CRMP1: variants seen among roughly 807,000 people sequenced by gnomAD.
The protein encoded by CRMP1 is dihydropyrimidinase-related protein 1.
In CRMP1, 19 loss-of-function variants were observed where a neutral mutation model predicts 68.3. The ratio of observed to expected loss-of-function variants is 0.28; its 90% CI spans 0.19 to 0.41. The LOEUF is 0.41. Ranked by LOEUF, CRMP1 falls within the 10% of genes least tolerant of loss-of-function variation. CRMP1 has a pLI of 1.00. For synonymous variants in CRMP1, 439 were observed against 399.6 expected (o/e 1.10, Z -1.18); for missense variants, 791 against 967.4 (o/e 0.82, Z 2.42).
chr4:5,827,980 G>A lies in CRMP1; in HGVS notation c.1803+509C>T, dbSNP rs991738186. The A allele has an allele frequency of 3.3e-5, 31 of 944,820 alleles. No individual in the cohort carries two copies. The African/African-American group carries it at 4.8e-4, about 15-fold the overall frequency. 58.5% of individuals were successfully genotyped at this position (944,820 alleles called of 1,614,324 possible). A position where few individuals can be genotyped will look rare whatever the true frequency, so the allele number is the denominator to read the frequency against. On this transcript the variant is annotated intron_variant, in intron 12 of 13. Transcript: ENST00000324989. ...AGGTTGTTCAAGGAAAATAAGGAACGACAGGGCAGAAACGTCAAGGGAGGA... is the reference window on the plus strand; with the variant it reads ...AGGTTGTTCAAGGAAAATAAGGAACAACAGGGCAGAAACGTCAAGGGAGGA...
Position 5,824,627 on chromosome 4 carries a change from T to C in CRMP1, c.1969+867A>G. The C allele has an allele frequency of 3.2e-6, 3 of 950,324 alleles. No homozygotes were observed. The South Asian group carries it at 1.5e-4, about 46-fold the overall frequency. 58.9% of individuals were successfully genotyped at this position (950,324 alleles called of 1,614,324 possible). ...TACGATCCATGACCTGAGAATAGTTTGTACATTTTCAAATGGCTATTGAAT... is the reference window on the plus strand; with the variant it reads ...TACGATCCATGACCTGAGAATAGTTCGTACATTTTCAAATGGCTATTGAAT... On this transcript the variant is annotated intron_variant, in intron 13 of 13. Coordinates refer to ENST00000324989, the MANE Select transcript of CRMP1 (RefSeq NM_001014809.3).
Position 5,883,232 on chromosome 4 carries a change from T to TTTCC in CRMP1, c.381+9353_381+9356dup, listed in dbSNP as rs543767657. On this transcript the variant is annotated intron_variant, in intron 1 of 13. Coordinates refer to ENST00000324989, the MANE Select transcript of CRMP1 (RefSeq NM_001014809.3). This position sits in a 1 kb window ranked among gnomAD's most constrained non-coding sequence, Gnocchi z 4.5. The stretch of plus-strand genomic sequence containing the variant: ...GTGCCCTGTTCCGCAGCCTGCCTGC[T>TTTCC]TTCCTTCCTTCCTTCCTTCCTTCCT... Among the ~76,000 whole-genome samples the TTTCC allele has an allele frequency of 0.05, 5,584 of 112,314 alleles. 146 individuals are homozygous for TTTCC. Among genetic ancestry groups the TTTCC allele is most frequent in the African/African-American group, 0.076 (2,548 of 33,464 alleles). The allele number at this position is 112,314 out of a possible 152,430, so 73.7% of individuals were successfully genotyped here.
chr4:5,868,261 CTATATATA>C (rs60816757), intron 1 of CRMP1, among the ~76,000 whole-genome samples: 4,321 of 111,298 alleles, frequency 0.039, 88 homozygotes, highest in Middle Eastern at 0.074. Flanking sequence ...GACTATATAT[CTATATATA>C]TATATATATA....
At chr4:5,822,344 A>G (rs900667549) in intron 13 of CRMP1, among the ~76,000 whole-genome samples, 2 of 152,220 alleles carry the variant, frequency 1.3e-5, no homozygotes, top group African/African-American at 2.4e-5. Flanking sequence ...TTCAAAGCCC[A>G]TGATCTTAGG....
At chr4:5,831,238 C>T (rs1002578471) in intron 11 of CRMP1, among the ~76,000 whole-genome samples, 2 of 152,160 alleles carry the variant, frequency 1.3e-5, no homozygotes, top group African/African-American at 2.4e-5. Context: ...TGAACCACCA[C>T]GCCAGGCCAA....
In CRMP1 at chr4:5,820,943, C is replaced by T. The variant is rs1258043760; in HGVS notation, c.*817G>A. On this transcript the variant is annotated 3_prime_UTR_variant, in exon 14 of 14. Transcript: ENST00000324989. ...GCCCCGTCAACTGCCTCAGAGGGAC[C>T]AGGACTCAGGCCACGCAGGGGCAGC... The T allele has an allele frequency of 6.6e-6, 1 of 152,298 alleles. No individual in the cohort carries two copies. Among genetic ancestry groups the T allele is most frequent in the East Asian group, 1.9e-4 (1 of 5,184 alleles). The allele number at this position is 152,298 out of a possible 1,614,324, so 9.4% of individuals were successfully genotyped here.
Position 5,888,365 on chromosome 4 carries a change from G to A in CRMP1, c.381+4224C>T, listed in dbSNP as rs948392233. On this transcript the variant is annotated intron_variant, in intron 1 of 13. Transcript: ENST00000324989. This position sits in a 1 kb window ranked among gnomAD's most constrained non-coding sequence, Gnocchi z 6.4. ...GCTCCCAGCGGGCGCGCTGACAAAG[G>A]CCCGGGAGGGATAGAGACACGGACG... 4.9e-6 allele frequency: 6 copies of A among 1,228,950 alleles called. No individual in the cohort carries two copies. The African/African-American group carries it at 9.4e-5, about 19-fold the overall frequency. The allele number at this position is 1,228,950 out of a possible 1,614,324, so 76.1% of individuals were successfully genotyped here. A position where few individuals can be genotyped will look rare whatever the true frequency, so the allele number is the denominator to read the frequency against.
At position 5,861,524 on chromosome 4, in the gene CRMP1, G is replaced by A. The variant is rs1292314563; in HGVS notation, c.471-314C>T. Among the ~76,000 whole-genome samples, 7 of 152,182 alleles carry A rather than the reference G, an allele frequency of 4.6e-5. No individual in the cohort carries two copies. The highest frequency in any genetic ancestry group is 7.3e-5 in the Non-Finnish European group (5 of 68,038). On this transcript the variant is annotated intron_variant, in intron 2 of 13. Coordinates refer to ENST00000324989, the MANE Select transcript of CRMP1 (RefSeq NM_001014809.3). The surrounding 1 kb of genome is among the most constrained non-coding windows in gnomAD (Gnocchi z 6.0). ...GGGGGTGGCAGAGCTGAATCCAACA[G>A]AAGTGAGCCCAGCATGATGCATGTG...
At chr4:5,871,121 A>C (rs923634138) in intron 1 of CRMP1, among the ~76,000 whole-genome samples, 1 of 152,042 alleles carries the variant, frequency 6.6e-6, no homozygotes, top group Admixed American at 6.6e-5. Flanking sequence ...ACCAATAGAC[A>C]CTGCAAGCAG....
chr4:5,856,857 CCCA>C (rs141019535), intron 3 of CRMP1, among the ~76,000 whole-genome samples: 2 of 129,594 alleles, frequency 1.5e-5, no homozygotes, highest in Admixed American at 7.7e-5. Context: ...TCATTGTCAC[CCCA>C]CCATCATCAC....
At chr4:5,874,074 G>T (rs912783682) in intron 1 of CRMP1, among the ~76,000 whole-genome samples, 2 of 152,214 alleles carry the variant, frequency 1.3e-5, no homozygotes, top group African/African-American at 4.8e-5. Context: ...AGGCAAGTTT[G>T]CAACAGGTAT....
Position 5,843,293 on chromosome 4 carries a change from A to G in CRMP1, c.964-132T>C. On this transcript the variant is annotated intron_variant, in intron 6 of 13. Coordinates refer to ENST00000324989, the MANE Select transcript of CRMP1 (RefSeq NM_001014809.3). The surrounding 1 kb of genome is among the most constrained non-coding windows in gnomAD (Gnocchi z 4.1). Reference sequence around the variant, plus strand: ...GGCGAGTGGCTTGCACTAGGTTAACAGTGTGCGGGGTGGGGGCAGTGAACT... The same window carrying G: ...GGCGAGTGGCTTGCACTAGGTTAACGGTGTGCGGGGTGGGGGCAGTGAACT... The G allele has an allele frequency of 1.3e-6, 1 of 793,718 alleles. No homozygotes were observed. The highest frequency in any genetic ancestry group is 1.7e-5 in the African/African-American group (1 of 59,332). The allele number at this position is 793,718 out of a possible 1,614,324, so 49.2% of individuals were successfully genotyped here. A position where few individuals can be genotyped will look rare whatever the true frequency, so the allele number is the denominator to read the frequency against.
chr4:5,876,078 G>C (rs1020355122), intron 1 of CRMP1, among the ~76,000 whole-genome samples: 2 of 151,926 alleles, frequency 1.3e-5, no homozygotes, highest in Non-Finnish European at 2.9e-5. Flanking sequence ...GCATGAGCCC[G>C]GGAGGCAAAG....
rs1055739176 is a variant in CRMP1, at chr4:5,890,769, G to T, written c.381+1820C>A. On this transcript the variant is annotated intron_variant, in intron 1 of 13. Transcript: ENST00000324989. The surrounding 1 kb of genome is among the most constrained non-coding windows in gnomAD (Gnocchi z 5.5). Reference sequence around the variant, plus strand: ...GGGCGCAGCTGCGGGGCTGGCCCAGGCTGCGCCCTGGGGGAGATGCTGGCG... The same window carrying T: ...GGGCGCAGCTGCGGGGCTGGCCCAGTCTGCGCCCTGGGGGAGATGCTGGCG... Among the ~76,000 whole-genome samples the T allele has an allele frequency of 6.6e-6, 1 of 152,164 alleles. No homozygotes were observed. Among genetic ancestry groups the T allele is most frequent in the African/African-American group, 2.4e-5 (1 of 41,460 alleles).
At position 5,849,578 on chromosome 4, in the gene CRMP1, C is replaced by G. The variant is rs1375158734; in HGVS notation, c.883-106G>C. ...CGATCACACCCATTCGGTCATTCAC[C>G]TGCCAGCCTCTGCAAACACATTCAT... On this transcript the variant is annotated intron_variant, in intron 5 of 13. Coordinates refer to ENST00000324989, the MANE Select transcript of CRMP1 (RefSeq NM_001014809.3). 5 of 683,318 alleles carry G rather than the reference C, an allele frequency of 7.3e-6. No individual in the cohort carries two copies. In the East Asian group the frequency reaches 1.1e-4, roughly 15 times the overall value. 42.3% of individuals were successfully genotyped at this position (683,318 alleles called of 1,614,324 possible). A position where few individuals can be genotyped will look rare whatever the true frequency, so the allele number is the denominator to read the frequency against.
At chr4:5,874,691 T>A (rs1714688269) in intron 1 of CRMP1, among the ~76,000 whole-genome samples, 4 of 135,026 alleles carry the variant, frequency 3.0e-5, no homozygotes, top group South Asian at 2.4e-4. Context: ...AGAGAGGGAG[T>A]GCAAAGGAGA....
rs1718418509 is a variant in CRMP1 at position 5,820,885 on chromosome 4, GAA to G, written c.*873_*874del. 6.6e-6 allele frequency: 1 copy of G among 151,960 alleles called. No individual in the cohort carries two copies. The highest frequency in any genetic ancestry group is 1.5e-5 in the Non-Finnish European group (1 of 67,972). The allele number at this position is 151,960 out of a possible 1,614,324, so 9.4% of individuals were successfully genotyped here. A position where few individuals can be genotyped will look rare whatever the true frequency, so the allele number is the denominator to read the frequency against. On this transcript the variant is annotated 3_prime_UTR_variant, in exon 14 of 14. Transcript: ENST00000324989. ...AGTAAAAATGGGAGTGATTACAAAG[GAA>G]AACTTTGTACAAAACTTTAAAAATC...
rs1416917700 is a variant in CRMP1 at position 5,865,999 on chromosome 4, G to A, written c.470+669C>T. 6.6e-6 allele frequency among the ~76,000 whole-genome samples: 1 copy of A among 152,126 alleles called. No individual in the cohort carries two copies. Among genetic ancestry groups the A allele is most frequent in the Non-Finnish European group, 1.5e-5 (1 of 68,016 alleles). On this transcript the variant is annotated intron_variant, in intron 2 of 13. Coordinates refer to ENST00000324989, the MANE Select transcript of CRMP1 (RefSeq NM_001014809.3). This position sits in a 1 kb window ranked among gnomAD's most constrained non-coding sequence, Gnocchi z 4.1. The stretch of plus-strand genomic sequence containing the variant: ...ACCAACCCTGACGGCAGCTTGATCC[G>A]GGACTTCCAGCCTCCAGAACTATGA...
rs1346046254 is a variant in CRMP1 at position 5,859,239 on chromosome 4, G to GC, written c.655+1786dup. ...GGGGAAGGGCGGGGACCCTTTCAGAGCCCTGGACTGTTGTCCTCGTGTGCT... is the reference window on the plus strand; with the variant it reads ...GGGGAAGGGCGGGGACCCTTTCAGAGCCCCTGGACTGTTGTCCTCGTGTGCT... On this transcript the variant is annotated intron_variant, in intron 3 of 13. Coordinates refer to ENST00000324989, the MANE Select transcript of CRMP1 (RefSeq NM_001014809.3). This position sits in a 1 kb window ranked among gnomAD's most constrained non-coding sequence, Gnocchi z 5.2. Among the ~76,000 whole-genome samples the GC allele has an allele frequency of 1.3e-5, 2 of 152,222 alleles. No homozygotes were observed. The highest frequency in any genetic ancestry group is 4.8e-5 in the African/African-American group (2 of 41,454).
Sources: gnomAD v4.1 joint callset for allele counts (sites outside exome capture counted in the v4.1 genomes callset) on GRCh38, gnomAD v4.1.1 for gene constraint, Gnocchi (gnomAD v3.1) non-coding constraint, MANE v1.5 for transcripts, NCBI Gene and HGNC (gene_info 2026-07-23, HGNC 2026-07-21) for gene names.